Variants in SGK1 observed in about 807,000 individuals in gnomAD.
SGK1 encodes the protein serum/glucocorticoid regulated kinase 1.
In SGK1, 26 loss-of-function variants were observed where a neutral mutation model predicts 64.2. The observed-to-expected ratio is 0.40, with a 90% confidence interval of 0.30 to 0.56. The LOEUF is 0.56. Among genes scored for constraint, SGK1 ranks in the 20% least tolerant of loss-of-function variants. SGK1 has a pLI of 0.38. For synonymous variants in SGK1, 265 were observed against 239.7 expected (o/e 1.11, Z -0.98); for missense variants, 519 against 645.6 (o/e 0.80, Z 2.12).
chr6:134,194,231 G>A (rs1419175901), intron 3 of SGK1, among the ~76,000 whole-genome samples: 1 of 151,270 alleles, frequency 6.6e-6, no homozygotes, highest in African/African-American at 2.4e-5. Flanking sequence ...GTTACAACTA[G>A]CTGAGTCTCA....
intron 3 of SGK1, among the ~76,000 whole-genome samples, chr6:134,195,932 T>C (rs1775588232): frequency 6.6e-6 from 1 of 152,192 alleles, no homozygotes; most frequent in Non-Finnish European, 1.5e-5. Context: ...TTTCAAACCA[T>C]AGTTAGTAAA....
intron 1 of SGK1, among the ~76,000 whole-genome samples, chr6:134,290,791 G>A (rs1164469578): frequency 2.6e-5 from 4 of 152,142 alleles, no homozygotes; most frequent in Non-Finnish European, 4.4e-5. Context: ...AGCCACAGAA[G>A]TCTCTGGGCC....
intron 5 of SGK1, 193 bp from the exon 6 acceptor site, chr6:134,173,759 C>T: frequency 1.7e-6 from 1 of 591,366 alleles, no homozygotes; most frequent in Non-Finnish European, 2.9e-6. Context: ...TTGTTTCAGA[C>T]AGATAAAACC....
chr6:134,211,295 TTTGTAA>T (rs1277518265), intron 2 of SGK1, among the ~76,000 whole-genome samples: 2 of 152,198 alleles, frequency 1.3e-5, no homozygotes, highest in Non-Finnish European at 2.9e-5. Flanking sequence ...GGAATTTTTT[TTTGTAA>T]TTGTAATACA....
chr6:134,298,018 G>A, intron 1 of SGK1: 1 of 888,236 alleles, frequency 1.1e-6, no homozygotes, highest in Non-Finnish European at 1.9e-6. Flanking sequence ...ATCTGGGACT[G>A]CAGCTCCCGA....
At chr6:134,232,449 A>G (rs1319363328) in intron 2 of SGK1, among the ~76,000 whole-genome samples, 3 of 58,794 alleles carry the variant, frequency 5.1e-5, no homozygotes, top group African/African-American at 1.6e-4. Flanking sequence ...GAAAGAAAGA[A>G]AGAAAGAAAG....
intron 2 of SGK1, among the ~76,000 whole-genome samples, chr6:134,208,063 C>A (rs949277163): frequency 6.6e-6 from 1 of 152,094 alleles, no homozygotes; most frequent in Non-Finnish European, 1.5e-5. Context: ...AGGCGTGTGC[C>A]ACCACGCCTG....
intron 2 of SGK1, among the ~76,000 whole-genome samples, chr6:134,232,617 G>T (rs960195433): frequency 2.0e-5 from 3 of 152,056 alleles, no homozygotes; most frequent in African/African-American, 4.8e-5. Flanking sequence ...TTGGGAGGCC[G>T]AGGTGGGCAG....
At chr6:134,171,251 GAT>G in intron 11 of SGK1, 73 bp from the exon 12 acceptor site, 2 of 1,349,218 alleles carry the variant, frequency 1.5e-6, no homozygotes, top group Non-Finnish European at 2.1e-6. Context: ...TAGAGAAAAA[GAT>G]ATAAACGGCA....
At chr6:134,199,385 C>T (rs922421666) in intron 3 of SGK1, among the ~76,000 whole-genome samples, 2 of 151,694 alleles carry the variant, frequency 1.3e-5, no homozygotes, top group Admixed American at 1.3e-4. Flanking sequence ...ATGGTGAAAC[C>T]GGATCTCTAC....
Position 134,232,421 on chromosome 6 carries a change from A to AAGAGAG in SGK1, c.286-24991_286-24990insCTCTCT, listed in dbSNP as rs762251415. On this transcript the variant is annotated intron_variant, in intron 2 of 13. Coordinates refer to ENST00000367858, the MANE Select transcript of SGK1 (RefSeq NM_001143676.3). The stretch of plus-strand genomic sequence containing the variant: ...GAAGAAAAAGAAAGAAAGAGAAAGA[A>AAGAGAG]AGAAAGAAAGAAAGAAAGAAAGAAA... 2.5e-4 allele frequency among the ~76,000 whole-genome samples: 11 copies of AAGAGAG among 44,446 alleles called. 2 individuals are homozygous for AAGAGAG. Among genetic ancestry groups the AAGAGAG allele is most frequent in the African/African-American group, 6.5e-4 (8 of 12,270 alleles). The allele number at this position is 44,446 out of a possible 152,430, so 29.2% of individuals were successfully genotyped here.
chr6:134,224,449 T>G (rs139448521), intron 2 of SGK1, among the ~76,000 whole-genome samples: 10 of 152,294 alleles, frequency 6.6e-5, no homozygotes, highest in African/African-American at 2.4e-4. Flanking sequence ...TCTGGGAAGT[T>G]AAGAATAATA....
chr6:134,204,949 CTCCT>C (rs1775745488), intron 3 of SGK1, among the ~76,000 whole-genome samples: 2 of 148,030 alleles, frequency 1.4e-5, no homozygotes, highest in Admixed American at 6.7e-5. Flanking sequence ...CCCTCCCTCC[CTCCT>C]TTTCTTTCTT....
intron 1 of SGK1, among the ~76,000 whole-genome samples, chr6:134,283,439 G>A (rs1390194606): frequency 1.3e-5 from 2 of 151,828 alleles, no homozygotes; most frequent in African/African-American, 2.4e-5. Context: ...TGCAGTGAGC[G>A]AAGATCACGC....
intron 1 of SGK1, among the ~76,000 whole-genome samples, chr6:134,266,940 G>A (rs992979389): frequency 7.2e-5 from 11 of 152,086 alleles, no homozygotes; most frequent in African/African-American, 2.4e-4. Context: ...TGTCTCCAAC[G>A]TTGTAGTTTA....
intron 2 of SGK1, among the ~76,000 whole-genome samples, chr6:134,240,110 G>A (rs1463668483): frequency 6.6e-6 from 1 of 152,050 alleles, no homozygotes; most frequent in Non-Finnish European, 1.5e-5. Flanking sequence ...TGGCCAACAT[G>A]GTGAAACCCT....
At chr6:134,201,123 C>T (rs7771503) in intron 3 of SGK1, among the ~76,000 whole-genome samples, 4,076 of 147,566 alleles carry the variant, frequency 0.028, 190 homozygotes, top group African/African-American at 0.095. Context: ...TGCAGTGGCG[C>T]GATCTCAGCT....
At chr6:134,175,414 G>A (rs1775200325) in intron 3 of SGK1, 4 of 1,298,980 alleles carry the variant, frequency 3.1e-6, no homozygotes, top group Non-Finnish European at 3.9e-6. Context: ...GCGCGACCTC[G>A]CCCGCCAGGT....
intron 2 of SGK1, among the ~76,000 whole-genome samples, chr6:134,249,146 A>ACAG (rs1562264223): frequency 1.3e-5 from 2 of 152,226 alleles, no homozygotes; most frequent in Admixed American, 6.5e-5. Context: ...AACAAGGTCA[A>ACAG]AGTCAGAAAC....
Sources: allele counts gnomAD v4.1 joint callset (sites outside exome capture counted in the v4.1 genomes callset), GRCh38; gene constraint gnomAD v4.1.1; transcripts MANE v1.5; gene names NCBI Gene and HGNC (gene_info 2026-07-23, HGNC 2026-07-21).